The following MYT1L variants were observed in gnomAD, a reference collection of about 807,000 sequenced individuals.
MYT1L encodes myelin transcription factor 1-like protein.
In MYT1L, 12 loss-of-function variants were observed where a neutral mutation model predicts 126.7. The observed-to-expected ratio is 0.09, with a 90% CI of 0.06 to 0.15. The LOEUF (loss-of-function observed/expected upper bound fraction) is 0.15, where lower values mean the gene tolerates loss of function less well. MYT1L is among the 10% of genes least tolerant of loss of function. MYT1L has a pLI of 1.00. For missense variants in MYT1L, 979 were observed against 1,585.2 expected, an observed-to-expected ratio of 0.62 and a Z score of 6.49; for synonymous variants, 541 against 604.2, an observed-to-expected ratio of 0.90 and a Z score of 1.53.
intron 1 of MYT1L, among the ~76,000 whole-genome samples, chr2:2,306,604 G>C (rs2095862592): frequency 6.6e-6 from 1 of 152,072 alleles, no homozygotes; most frequent in Admixed American, 6.5e-5. Flanking sequence ...ACATAACACA[G>C]ATCAAAGAGA....
intron 3 of MYT1L, among the ~76,000 whole-genome samples, chr2:2,087,241 G>T (rs540064685): frequency 2.8e-4 from 43 of 152,224 alleles, no homozygotes; most frequent in African/African-American, 9.9e-4. Flanking sequence ...TTCTGGGTAG[G>T]CTATGCTTGT....
intron 18 of MYT1L, among the ~76,000 whole-genome samples, chr2:1,867,856 A>G (rs1558215059): frequency 6.6e-6 from 1 of 152,358 alleles, no homozygotes; most frequent in East Asian, 1.9e-4. Flanking sequence ...TGTTCCAAAT[A>G]AAAGAACATC....
chr2:2,295,713 C>G (rs865881821), intron 1 of MYT1L, among the ~76,000 whole-genome samples: 441 of 25,312 alleles, frequency 0.017, no homozygotes, highest in Middle Eastern at 0.036. Context: ...GACAGACAGA[C>G]AGAGAGAGAG....
At chr2:2,291,867 T>C (rs1020951704) in intron 1 of MYT1L, among the ~76,000 whole-genome samples, 8 of 152,246 alleles carry the variant, frequency 5.3e-5, no homozygotes, top group Middle Eastern at 3.2e-3. Context: ...TGATAATTTT[T>C]AGCATTTCTA....
chr2:2,053,079 AGAAAGGAAGGATG>A (rs530526820), intron 4 of MYT1L, among the ~76,000 whole-genome samples: 64 of 152,200 alleles, frequency 4.2e-4, no homozygotes, highest in Admixed American at 7.2e-4. Flanking sequence ...ATTCAGCCTT[AGAAAGGAAGGATG>A]CTCTGACCCA....
intron 15 of MYT1L, among the ~76,000 whole-genome samples, chr2:1,891,010 A>AT (rs141331665): frequency 0.036 from 5,405 of 151,270 alleles, 147 homozygotes; most frequent in Non-Finnish European, 0.054. Flanking sequence ...CTTTTATTTT[A>AT]TTTTTTTTGT....
chr2:1,867,331 TG>T (rs371342095), intron 18 of MYT1L, among the ~76,000 whole-genome samples: 35 of 152,272 alleles, frequency 2.3e-4, no homozygotes, highest in African/African-American at 8.2e-4. Flanking sequence ...ACTCAGGCTA[TG>T]AGCATCTTTC....
At chr2:2,213,745 G>C (rs747262708) in intron 2 of MYT1L, among the ~76,000 whole-genome samples, 2 of 152,140 alleles carry the variant, frequency 1.3e-5, no homozygotes, top group Non-Finnish European at 1.5e-5. Context: ...CAAGAGGAAA[G>C]CTCAAAAATA....
At position 1,889,318 on chromosome 2, in the gene MYT1L, C is replaced by T. The variant is rs773930139; in HGVS notation, c.2443G>A (p.Asp815Asn). 41 of 1,613,666 alleles carry T rather than the reference C, an allele frequency of 2.5e-5. No homozygotes were observed. In the Middle Eastern group the frequency reaches 4.9e-4, roughly 19 times the overall value. The change falls in exon 16 of 25, where the codon GAC (aspartate) becomes AAC (asparagine). Residue 815 changes from aspartate (D) to asparagine (N), a missense_variant. Physicochemically the swap from Asp to Asn is conservative, Grantham distance 23. Coordinates refer to ENST00000647738, the MANE Select transcript of MYT1L (RefSeq NM_001303052.2). This position sits in a 1 kb window ranked among gnomAD's most constrained non-coding sequence, Gnocchi z 4.1. ...TAGTCTACGGGCAAGTCCCAGCAGT[C>T]GCCCTCGCCCAGCTGGAAACACCGG... Reference protein sequence around the residue: ...NNRCFQLGEGDCWDLPVDYTK... With the variant: ...NNRCFQLGEGNCWDLPVDYTK...
At chr2:2,040,953 C>G (rs1202841669) in intron 4 of MYT1L, among the ~76,000 whole-genome samples, 1 of 152,132 alleles carries the variant, frequency 6.6e-6, no homozygotes, top group East Asian at 1.9e-4. Context: ...AAAATAGGAA[C>G]ACTCAAATAA....
chr2:2,319,979 G>C (rs928278367), intron 1 of MYT1L, among the ~76,000 whole-genome samples: 1 of 152,076 alleles, frequency 6.6e-6, no homozygotes. Flanking sequence ...CATTGACTTT[G>C]ATATTTTCTT....
intron 4 of MYT1L, among the ~76,000 whole-genome samples, chr2:2,038,384 AC>A (rs908037361): frequency 6.6e-5 from 10 of 152,078 alleles, no homozygotes; most frequent in African/African-American, 2.4e-4. Flanking sequence ...AGTGAATGAC[AC>A]CATCAGATCT....
intron 3 of MYT1L, among the ~76,000 whole-genome samples, chr2:2,125,362 T>C (rs907491806): frequency 6.6e-6 from 1 of 152,202 alleles, no homozygotes; most frequent in Non-Finnish European, 1.5e-5. Flanking sequence ...CCTTTAACAA[T>C]GCTACACATC....
intron 18 of MYT1L, among the ~76,000 whole-genome samples, chr2:1,860,369 C>T (rs1010663196): frequency 2.6e-5 from 4 of 152,158 alleles, no homozygotes; most frequent in African/African-American, 9.7e-5. Flanking sequence ...GAAACGCCAC[C>T]CCAGCCTCTC....
At chr2:2,221,261 G>C (rs1259990472) in intron 2 of MYT1L, among the ~76,000 whole-genome samples, 1 of 152,132 alleles carries the variant, frequency 6.6e-6, no homozygotes, top group African/African-American at 2.4e-5. Flanking sequence ...CGCTGGCATA[G>C]ATTTAGTCTG....
At chr2:1,981,505 T>C (rs2060606935) in intron 5 of MYT1L, among the ~76,000 whole-genome samples, 1 of 152,134 alleles carries the variant, frequency 6.6e-6, no homozygotes. Context: ...AATGAATGAA[T>C]GAATGAGTCC....
chr2:2,243,497 A>G (rs945042870), intron 2 of MYT1L, among the ~76,000 whole-genome samples: 2 of 152,206 alleles, frequency 1.3e-5, no homozygotes, highest in African/African-American at 4.8e-5. Flanking sequence ...TTTTTAAGCT[A>G]GTTGTGAAGA....
At chr2:1,999,159 G>A (rs1428882700) in intron 4 of MYT1L, among the ~76,000 whole-genome samples, 3 of 152,176 alleles carry the variant, frequency 2.0e-5, no homozygotes, top group Non-Finnish European at 2.9e-5. Context: ...TTATCATTAA[G>A]TGCTCAATAA....
intron 1 of MYT1L, among the ~76,000 whole-genome samples, chr2:2,327,828 T>TA (rs1297264217): frequency 6.6e-6 from 1 of 152,190 alleles, no homozygotes; most frequent in African/African-American, 2.4e-5. Context: ...GAGTTTTTTT[T>TA]AATATAAAAT....
Sources: gnomAD v4.1 joint callset for allele counts (sites outside exome capture counted in the v4.1 genomes callset) on GRCh38, gnomAD v4.1.1 for gene constraint, Gnocchi (gnomAD v3.1) non-coding constraint, MANE v1.5 for transcripts, NCBI Gene and HGNC (gene_info 2026-07-23, HGNC 2026-07-21) for gene names.